Variants in POLN observed in about 807,000 individuals in gnomAD.
The protein encoded by POLN is DNA polymerase N.
In POLN, 108 loss-of-function variants were observed where a neutral mutation model predicts 113.5. The observed-to-expected ratio is 0.95, with a 90% CI of 0.81 to 1.12. The LOEUF (loss-of-function observed/expected upper bound fraction) is 1.12. Among genes scored for constraint, POLN ranks in the 50% most tolerant of loss-of-function variants. The pLI is 0.00. For synonymous variants in POLN, 386 were observed against 391.5 expected (o/e 0.99, Z 0.17); for missense variants, 1,097 against 1,077.1 (o/e 1.02, Z -0.26).
chr4:2,216,779 G>A (rs1052735327), intron 3 of POLN, among the ~76,000 whole-genome samples: 12 of 152,222 alleles, frequency 7.9e-5, no homozygotes, highest in East Asian at 5.8e-4. Flanking sequence ...TCAAATGACT[G>A]TTTCCCTCCA....
chr4:2,103,058 A>G (rs898391385), intron 19 of POLN, among the ~76,000 whole-genome samples: 1 of 152,204 alleles, frequency 6.6e-6, no homozygotes, highest in Non-Finnish European at 1.5e-5. Context: ...ATTCTCCAGC[A>G]ATAGATCTTA....
At chr4:2,147,849 G>C (rs1369748518) in intron 16 of POLN, among the ~76,000 whole-genome samples, 1 of 151,888 alleles carries the variant, frequency 6.6e-6, no homozygotes, top group Non-Finnish European at 1.5e-5. Flanking sequence ...CTCCATGTTG[G>C]TCAGGCTGGT....
chr4:2,099,287 T>C (rs376625801), intron 19 of POLN, among the ~76,000 whole-genome samples: 5 of 152,230 alleles, frequency 3.3e-5, no homozygotes, highest in Admixed American at 3.3e-4. Context: ...AGTATCTTTA[T>C]AGTAGAGAAA....
At position 2,229,188 on chromosome 4, in the gene POLN, G is replaced by GT; in HGVS notation, c.43dup (p.Thr15AsnfsTer18). 1.9e-6 allele frequency: 3 copies of GT among 1,610,166 alleles called. No homozygotes were observed. Among genetic ancestry groups the GT allele is most frequent in the Non-Finnish European group, 2.5e-6 (3 of 1,177,170 alleles). ...CTTCTGAGCAACACTGGAGAGCGGT[G>GT]TATTACAGAGATCAAAGCCTACCAA... On this transcript the variant is annotated frameshift_variant, in exon 3 of 26. Coordinates refer to ENST00000511885, the MANE Select transcript of POLN (RefSeq NM_181808.4). LOFTEE classifies it high-confidence loss of function.
chr4:2,224,978 G>A (rs1734347407), intron 3 of POLN, among the ~76,000 whole-genome samples: 2 of 151,936 alleles, frequency 1.3e-5, no homozygotes, highest in Admixed American at 1.3e-4. Flanking sequence ...AATGCATTGT[G>A]CTATGATAAC....
chr4:2,170,529 A>G (rs538891357), intron 13 of POLN, 150 bp downstream of exon 13: 108 of 626,502 alleles, frequency 1.7e-4, no homozygotes, highest in Non-Finnish European at 2.8e-4. Context: ...CGAGAAAAGC[A>G]ACCTTGGTGT....
chr4:2,097,474 CTG>C (rs778987496), intron 19 of POLN, among the ~76,000 whole-genome samples: 18 of 152,104 alleles, frequency 1.2e-4, no homozygotes, highest in Non-Finnish European at 2.4e-4. Context: ...TCTCAGCCTC[CTG>C]TGTAGCTGGG....
At chr4:2,072,868 C>G in intron 25 of POLN, 100 bp downstream of exon 25, 1 of 1,302,464 alleles carries the variant, frequency 7.7e-7, no homozygotes, top group Non-Finnish European at 1.1e-6. Flanking sequence ...CATCTCGGGG[C>G]TGGGGCTGCA....
intron 19 of POLN, among the ~76,000 whole-genome samples, chr4:2,101,485 G>A (rs1026645945): frequency 6.6e-6 from 1 of 152,240 alleles, no homozygotes; most frequent in African/African-American, 2.4e-5. Context: ...CCCAGTACCG[G>A]AGGGGGTGAT....
At chr4:2,191,572 T>A (rs971512076) in intron 7 of POLN, among the ~76,000 whole-genome samples, 5 of 152,188 alleles carry the variant, frequency 3.3e-5, no homozygotes, top group Non-Finnish European at 7.3e-5. Context: ...TTACACATTA[T>A]ATGAATGTAT....
At chr4:2,157,936 C>A in intron 14 of POLN, 25 bp from the exon 15 acceptor site, 2 of 1,572,892 alleles carry the variant, frequency 1.3e-6, no homozygotes, top group South Asian at 1.1e-5. Flanking sequence ...CAAGAATAAT[C>A]ATTTTCTTTA....
rs1360585072 is a variant in POLN, at chr4:2,146,309, C to A, written c.1731+10479G>T. 4.0e-5 allele frequency among the ~76,000 whole-genome samples: 6 copies of A among 151,270 alleles called. No individual in the cohort carries two copies. The East Asian group carries it at 1.2e-3, about 29-fold the overall frequency. On this transcript the variant is annotated intron_variant, in intron 16 of 25. Coordinates refer to ENST00000511885, the MANE Select transcript of POLN (RefSeq NM_181808.4). ...TCACCTGAGGTCAGGAGTTCCAGAC[C>A]AGCCTGGCTAACATGACGAAACTCC...
intron 16 of POLN, among the ~76,000 whole-genome samples, chr4:2,146,912 C>T (rs539295706): frequency 9.2e-5 from 14 of 152,186 alleles, no homozygotes; most frequent in African/African-American, 3.4e-4. Flanking sequence ...CAGCTAGATA[C>T]TAAAAAGCTA....
intron 19 of POLN, among the ~76,000 whole-genome samples, chr4:2,104,694 T>G (rs1731008476): frequency 1.3e-5 from 2 of 152,180 alleles, no homozygotes; most frequent in African/African-American, 4.8e-5. Flanking sequence ...AGAGCCTCAC[T>G]TGCAAGTGGC....
At chr4:2,091,852 C>T (rs1244695250) in intron 20 of POLN, among the ~76,000 whole-genome samples, 1 of 152,124 alleles carries the variant, frequency 6.6e-6, no homozygotes, top group African/African-American at 2.4e-5. Flanking sequence ...TCCCTTCACT[C>T]CCTTTTCTCC....
At chr4:2,240,998 T>C in intron 2 of POLN, 1 of 1,346,826 alleles carries the variant, frequency 7.4e-7, no homozygotes, top group Non-Finnish European at 1.0e-6. Context: ...ACGGTGTTGA[T>C]TTTTAGAAAA....
chr4:2,188,874 G>A (rs980517035), intron 7 of POLN, among the ~76,000 whole-genome samples: 1 of 152,164 alleles, frequency 6.6e-6, no homozygotes, highest in Non-Finnish European at 1.5e-5. Flanking sequence ...GTCAAAATGT[G>A]TGTAGGGGGT....
At chr4:2,175,880 A>G (rs1003331913) in intron 9 of POLN, among the ~76,000 whole-genome samples, 1 of 151,470 alleles carries the variant, frequency 6.6e-6, no homozygotes, top group Non-Finnish European at 1.5e-5. Flanking sequence ...CTCTGGACAC[A>G]GTCCCTCCAC....
Position 2,198,539 on chromosome 4 carries a change from T to C in POLN, c.893A>G (p.His298Arg), listed in dbSNP as rs1216091837. The change falls in exon 6 of 26, where the codon CAT becomes CGT. Residue 298 changes from histidine to arginine, a missense_variant. Transcript: ENST00000511885. ...GATTTCTTACCGGGCAAATTGTTGA[T>C]GTGCCTCCTGTTCTTGGTCCCAGAT... ...SAIWDQEQEA[H>R]QQFARNVLFQ... The C allele has an allele frequency of 6.2e-7, 1 of 1,609,926 alleles. No individual in the cohort carries two copies. Among genetic ancestry groups the C allele is most frequent in the Non-Finnish European group, 8.5e-7 (1 of 1,178,000 alleles).
Sources: allele counts gnomAD v4.1 joint callset (sites outside exome capture counted in the v4.1 genomes callset), GRCh38; gene constraint gnomAD v4.1.1; transcripts MANE v1.5; gene names NCBI Gene and HGNC (gene_info 2026-07-23, HGNC 2026-07-21).